The following ATP6V1E1 variants were observed in gnomAD, a reference collection of about 807,000 sequenced individuals.
ATP6V1E1 encodes ATPase H+ transporting V1 subunit E1.
A neutral mutation model predicts 35.2 loss-of-function variants in ATP6V1E1; 21 were observed. The ratio of observed to expected loss-of-function variants is 0.60; its 90% CI spans 0.42 to 0.86. The LOEUF (loss-of-function observed/expected upper bound fraction) is 0.86, where lower values mean the gene tolerates loss of function less well. Ranked by LOEUF, ATP6V1E1 falls within the 40% of genes least tolerant of loss-of-function variation. The probability of loss-of-function intolerance (pLI) is 0.00; values close to 1 mark genes in which losing one functional copy is unlikely to be tolerated. For missense variants in ATP6V1E1, 183 were observed against 272.6 expected (o/e 0.67, Z 2.32); for synonymous variants, 83 against 87.8 (o/e 0.95, Z 0.30).
intron 1 of ATP6V1E1, among the ~76,000 whole-genome samples, chr22:17,624,133 C>T (rs891671846): frequency 6.6e-6 from 1 of 152,200 alleles, no homozygotes; most frequent in African/African-American, 2.4e-5. Context: ...TAAGCATCTA[C>T]TATGGGCTTG....
At chr22:17,612,748 A>G in intron 4 of ATP6V1E1, 64 bp downstream of exon 4, 2 of 1,297,478 alleles carry the variant, frequency 1.5e-6, no homozygotes, top group East Asian at 2.5e-5. Context: ...TTAACTAGTA[A>G]TTTACAACAG....
At chr22:17,614,178 T>A (rs1275995055) in intron 2 of ATP6V1E1, among the ~76,000 whole-genome samples, 1 of 151,008 alleles carries the variant, frequency 6.6e-6, no homozygotes, top group Non-Finnish European at 1.5e-5. Context: ...TAGAGAAACC[T>A]CGTCTCTACT....
chr22:17,605,693 CTTTTTTTTTT>C (rs3044548), intron 4 of ATP6V1E1, among the ~76,000 whole-genome samples: 6 of 103,968 alleles, frequency 5.8e-5, no homozygotes, highest in Admixed American at 2.5e-4. Flanking sequence ...AGATGTTTCT[CTTTTTTTTTT>C]TTTTTTTTTT....
At chr22:17,598,320 C>T in intron 6 of ATP6V1E1, 32 bp from the exon 7 acceptor site, 2 of 1,527,604 alleles carry the variant, frequency 1.3e-6, no homozygotes, top group Non-Finnish European at 9.1e-7. Context: ...AGAGGTGTCA[C>T]TAGGAACTAT....
intron 4 of ATP6V1E1, among the ~76,000 whole-genome samples, chr22:17,603,498 T>A (rs1202520867): frequency 6.6e-6 from 1 of 152,024 alleles, no homozygotes; most frequent in Non-Finnish European, 1.5e-5. Context: ...CCTGGGAAAC[T>A]GTGTTTTTAA....
intron 7 of ATP6V1E1, among the ~76,000 whole-genome samples, chr22:17,595,858 C>T (rs976477925): frequency 3.3e-5 from 5 of 151,072 alleles, no homozygotes; most frequent in South Asian, 2.1e-4. Context: ...AGGCTGGGTG[C>T]GGTGGCTCAC....
Position 17,596,976 on chromosome 22 carries a change from C to CTGTAA in ATP6V1E1, c.530+1217_530+1218insTTACA, listed in dbSNP as rs371950927. ...GTGTCCAAGGCACCAGGCATGGTGG[C>CTGTAA]TCACGCCTGTAATCCCAGCACTTTG... On this transcript the variant is annotated intron_variant, in intron 7 of 8. Coordinates refer to ENST00000253413, the MANE Select transcript of ATP6V1E1 (RefSeq NM_001696.4). Among the ~76,000 whole-genome samples, 753 of 152,108 alleles carry CTGTAA rather than the reference C, an allele frequency of 5.0e-3. 12 individuals are homozygous for CTGTAA. The highest frequency in any genetic ancestry group is 0.017 in the African/African-American group (721 of 41,392).
intron 4 of ATP6V1E1, among the ~76,000 whole-genome samples, chr22:17,610,274 G>T (rs560864192): frequency 6.6e-6 from 1 of 151,820 alleles, no homozygotes; most frequent in Non-Finnish European, 1.5e-5. Flanking sequence ...ATAAACAAGT[G>T]GATTAAAAAA....
rs369424570 is a variant in ATP6V1E1, at chr22:17,628,364, G to A, written c.33+239C>T. Among the ~76,000 whole-genome samples the A allele has an allele frequency of 3.3e-5, 5 of 152,386 alleles. No homozygotes were observed. In the East Asian group the frequency reaches 9.6e-4, roughly 29 times the overall value. On this transcript the variant is annotated intron_variant, in intron 1 of 8. Coordinates refer to ENST00000253413, the MANE Select transcript of ATP6V1E1 (RefSeq NM_001696.4). Reference sequence around the variant, plus strand: ...TGCTGAGGTGGGAGGCAAAGAGCCAGGGCGTTCAAGAAGGCAGCGCGCAGG... The same window carrying A: ...TGCTGAGGTGGGAGGCAAAGAGCCAAGGCGTTCAAGAAGGCAGCGCGCAGG...
At chr22:17,626,325 A>AAAGG (rs1555864862) in intron 1 of ATP6V1E1, among the ~76,000 whole-genome samples, 1 of 122,906 alleles carries the variant, frequency 8.1e-6, no homozygotes, top group African/African-American at 3.6e-5. Context: ...AAAAAAAAAA[A>AAAGG]AAAGAAAGAA....
chr22:17,609,710 C>A (rs1003289310), intron 4 of ATP6V1E1, among the ~76,000 whole-genome samples: 4 of 151,814 alleles, frequency 2.6e-5, no homozygotes, highest in Admixed American at 6.6e-5. Context: ...ACCTCGTGAT[C>A]CGCCCGCCTC....
In ATP6V1E1 at chr22:17,598,186, C is replaced by G; in HGVS notation, c.530+8G>C. On this transcript the variant is annotated splice_region_variant and intron_variant, in intron 7 of 8. Transcript: ENST00000253413. The stretch of plus-strand genomic sequence containing the variant: ...AAGGTAGCTGTTAGCAGCAGGAATA[C>G]TCCTTACATGTCTTCAGGCAGGTAG... 2 of 1,605,010 alleles carry G rather than the reference C, an allele frequency of 1.2e-6. No homozygotes were observed. Among genetic ancestry groups the G allele is most frequent in the Non-Finnish European group, 8.5e-7 (1 of 1,172,416 alleles).
chr22:17,628,512 G>T (rs1489347118), intron 1 of ATP6V1E1, 91 bp downstream of exon 1: 14 of 1,556,622 alleles, frequency 9.0e-6, no homozygotes, highest in Non-Finnish European at 1.2e-5. Context: ...GCATCTGGGC[G>T]GCTCAAGGCC....
At chr22:17,599,957 GAA>G in intron 6 of ATP6V1E1, 68 bp downstream of exon 6, 3 of 1,119,982 alleles carry the variant, frequency 2.7e-6, no homozygotes. Flanking sequence ...GGAAGGAAAA[GAA>G]AGAGAGAGGG....
At chr22:17,614,087 A>C (rs917348721) in intron 2 of ATP6V1E1, among the ~76,000 whole-genome samples, 1 of 152,180 alleles carries the variant, frequency 6.6e-6, no homozygotes, top group Non-Finnish European at 1.5e-5. Context: ...GCAGTGGCTC[A>C]CGCCTGTAAT....
chr22:17,599,909 G>C (rs1318353505), intron 6 of ATP6V1E1, 118 bp downstream of exon 6: 16 of 799,222 alleles, frequency 2.0e-5, no homozygotes, highest in Admixed American at 5.4e-5. Context: ...CTGGACAACA[G>C]AGTGAGACTC....
intron 8 of ATP6V1E1, 55 bp from the exon 9 acceptor site, chr22:17,592,791 G>A (rs1191171121): frequency 6.8e-6 from 9 of 1,318,126 alleles, no homozygotes; most frequent in East Asian, 4.6e-5. Flanking sequence ...GTTGTAGAGC[G>A]CTGCACATCT....
At position 17,616,979 on chromosome 22, in the gene ATP6V1E1, C is replaced by T. The variant is rs1189128009; in HGVS notation, c.99+2482G>A. Among the ~76,000 whole-genome samples, 7 of 81,272 alleles carry T rather than the reference C, an allele frequency of 8.6e-5. 2 individuals carry two copies. Among genetic ancestry groups the T allele is most frequent in the East Asian group, 5.2e-4 (2 of 3,870 alleles). The allele number at this position is 81,272 out of a possible 152,430, so 53.3% of individuals were successfully genotyped here. A position where few individuals can be genotyped will look rare whatever the true frequency, so the allele number is the denominator to read the frequency against. The stretch of plus-strand genomic sequence containing the variant: ...AGGAGAATGGCGTGAACCCGGGAGG[C>T]GGAGCTTGCAGTGAGCCGAGATCCC... On this transcript the variant is annotated intron_variant, in intron 2 of 8. Transcript: ENST00000253413.
Position 17,594,592 on chromosome 22 carries a change from AT to A in ATP6V1E1, c.554del (p.Asn185MetfsTer6). 6.3e-7 allele frequency: 1 copy of A among 1,590,296 alleles called. No individual in the cohort carries two copies. The highest frequency in any genetic ancestry group is 8.6e-7 in the Non-Finnish European group (1 of 1,169,428). On this transcript the variant is annotated frameshift_variant, in exon 8 of 9. Coordinates refer to ENST00000253413, the MANE Select transcript of ATP6V1E1 (RefSeq NM_001696.4). LOFTEE classifies it high-confidence loss of function. Reference protein sequence around the residue: ...EDIAGGVEIYNGDRKIKVSNT... With the variant: ...EDIAGGVEIYXGDRKIKVSNT... ...TGGAAACCTTTATTTTACGATCTCC[AT>A]TATAGATCTCAACTCCACCAGCTCT...
Sources: gnomAD v4.1 joint callset for allele counts (sites outside exome capture counted in the v4.1 genomes callset) on GRCh38, gnomAD v4.1.1 for gene constraint, MANE v1.5 for transcripts, NCBI Gene and HGNC (gene_info 2026-07-23, HGNC 2026-07-21) for gene names.